The following STOX2 variants were observed in gnomAD, a reference collection of about 807,000 sequenced individuals.
STOX2 encodes storkhead box 2.
A neutral mutation model predicts 60.9 loss-of-function variants in STOX2; 28 were observed. That is an observed-to-expected ratio of 0.46 (90% CI 0.34 to 0.63). The LOEUF (loss-of-function observed/expected upper bound fraction) is 0.63. STOX2 is among the 30% of genes least tolerant of loss of function. The pLI, the probability that STOX2 is intolerant of heterozygous loss-of-function variation, is 0.01. For missense variants in STOX2, 1,024 were observed against 1,187.7 expected (o/e 0.86, Z 2.03); for synonymous variants, 472 against 463.9 (o/e 1.02, Z -0.22).
At chr4:183,989,031 G>T (rs558345465) in intron 1 of STOX2, among the ~76,000 whole-genome samples, 1 of 152,124 alleles carries the variant, frequency 6.6e-6, no homozygotes, top group African/African-American at 2.4e-5. Context: ...AGCTGCTCAC[G>T]GGGACCGAGA....
intron 1 of STOX2, among the ~76,000 whole-genome samples, chr4:183,973,873 A>C (rs779022587): frequency 4.7e-4 from 72 of 152,222 alleles, no homozygotes; most frequent in Non-Finnish European, 7.1e-4. Flanking sequence ...GCATGCCTGT[A>C]GTCCCAGCTA....
At chr4:183,871,737 A>C (rs1255386979) in intron 1 of STOX2, among the ~76,000 whole-genome samples, 1 of 152,080 alleles carries the variant, frequency 6.6e-6, no homozygotes, top group Non-Finnish European at 1.5e-5. Context: ...CTACCACCTC[A>C]GGCCCAGTTC....
intron 1 of STOX2, among the ~76,000 whole-genome samples, chr4:183,814,943 A>C (rs1392596044): frequency 6.6e-6 from 1 of 152,190 alleles, no homozygotes; most frequent in Non-Finnish European, 1.5e-5. Flanking sequence ...GTAAAAAGAA[A>C]ATTGAATAAA....
At position 183,813,768 on chromosome 4, in the gene STOX2, C is replaced by T. The variant is rs73872691; in HGVS notation, c.364+15713C>T. Among the ~76,000 whole-genome samples, 1,169 of 152,184 alleles carry T rather than the reference C, an allele frequency of 7.7e-3. 18 individuals are homozygous for T. The highest frequency in any genetic ancestry group is 0.027 in the African/African-American group (1,111 of 41,512). The stretch of plus-strand genomic sequence containing the variant: ...CACAGGTAGAGTCAATGCTAATTGG[C>T]GGCTGGTAGTAATTTCTAAACTACC... On this transcript the variant is annotated intron_variant, in intron 1 of 2. Coordinates refer to the STOX2 transcript ENST00000513034.
At chr4:183,981,130 T>C (rs1010587762) in intron 1 of STOX2, among the ~76,000 whole-genome samples, 4 of 152,234 alleles carry the variant, frequency 2.6e-5, no homozygotes, top group Admixed American at 2.6e-4. Context: ...TCCCAAGGGA[T>C]TGGGGCCATA....
chr4:183,893,452 G>C (rs1741272987), intron 1 of STOX2, among the ~76,000 whole-genome samples: 1 of 152,140 alleles, frequency 6.6e-6, no homozygotes, highest in Non-Finnish European at 1.5e-5. Context: ...TCTCTTCAGA[G>C]ACCTGTGGGA....
chr4:183,972,262 T>A (rs1260616066), intron 1 of STOX2, among the ~76,000 whole-genome samples: 2 of 152,210 alleles, frequency 1.3e-5, no homozygotes, highest in African/African-American at 4.8e-5. Context: ...TCTGTCCTTC[T>A]GCCACTTGAC....
intron 1 of STOX2, among the ~76,000 whole-genome samples, chr4:183,922,491 GC>G: frequency 6.6e-6 from 1 of 151,728 alleles, no homozygotes; most frequent in Admixed American, 6.6e-5. Flanking sequence ...GATTACAGGC[GC>G]CCCCCACCAC....
chr4:183,956,790 A>G (rs1743263305), intron 1 of STOX2, among the ~76,000 whole-genome samples: 1 of 152,056 alleles, frequency 6.6e-6, no homozygotes, highest in Admixed American at 6.6e-5. Flanking sequence ...GCATTTCTTC[A>G]GCTTCTTTTA....
At chr4:183,937,131 G>A (rs1158864696) in intron 1 of STOX2, among the ~76,000 whole-genome samples, 1 of 152,228 alleles carries the variant, frequency 6.6e-6, no homozygotes, top group African/African-American at 2.4e-5. Flanking sequence ...GCACTCTTTG[G>A]TGAGGTACAT....
rs1201380910 is a variant in STOX2 at position 184,011,982 on chromosome 4, GAAA to G, written c.2585+560_2585+562del. Among the ~76,000 whole-genome samples the G allele has an allele frequency of 3.9e-5, 6 of 152,286 alleles. No homozygotes were observed. The highest frequency in any genetic ancestry group is 1.4e-4 in the African/African-American group (6 of 41,562). ...TCACACACCTTCCTTTCACTGCCAAGAAATGGAATATTTCTTCCCTCACAGCGA... is the reference window on the plus strand; with the variant it reads ...TCACACACCTTCCTTTCACTGCCAAGTGGAATATTTCTTCCCTCACAGCGA... On this transcript the variant is annotated intron_variant, in intron 3 of 3. Transcript: ENST00000308497. This position sits in a 1 kb window ranked among gnomAD's most constrained non-coding sequence, Gnocchi z 4.4.
intron 1 of STOX2, among the ~76,000 whole-genome samples, chr4:183,807,938 C>A (rs1004481784): frequency 1.3e-5 from 2 of 152,248 alleles, no homozygotes; most frequent in Non-Finnish European, 2.9e-5. Flanking sequence ...ATCTACCCAA[C>A]AGGCCTGCGG....
Position 183,919,402 on chromosome 4 carries a change from G to T in STOX2, c.166+12446G>T, listed in dbSNP as rs548468847. On this transcript the variant is annotated intron_variant, in intron 1 of 3. Coordinates refer to ENST00000308497, the MANE Select transcript of STOX2 (RefSeq NM_020225.3). ...TGGCCGTGGGCCAGCTAGAGGTGGG[G>T]TTTATGGTTCCGCAGTCGTGGAGTC... Among the ~76,000 whole-genome samples the T allele has an allele frequency of 5.1e-3, 782 of 152,260 alleles. 7 individuals carry two copies. Among genetic ancestry groups the T allele is most frequent in the Non-Finnish European group, 8.8e-3 (596 of 68,024 alleles).
intron 1 of STOX2, among the ~76,000 whole-genome samples, chr4:183,847,963 A>ATATACCTTT (rs1740025072): frequency 6.6e-6 from 1 of 152,100 alleles, no homozygotes; most frequent in African/African-American, 2.4e-5. Flanking sequence ...AAAGAGAACT[A>ATATACCTTT]GAGAGGAGAG....
At chr4:183,914,735 G>A (rs1285194421) in intron 1 of STOX2, among the ~76,000 whole-genome samples, 3 of 152,144 alleles carry the variant, frequency 2.0e-5, no homozygotes, top group African/African-American at 7.2e-5. Flanking sequence ...GCAGAAGGAG[G>A]TTCAGTTGGA....
chr4:183,869,759 A>G (rs1387496788), intron 1 of STOX2, among the ~76,000 whole-genome samples: 1 of 152,238 alleles, frequency 6.6e-6, no homozygotes, highest in Non-Finnish European at 1.5e-5. Context: ...ATCAGTGACT[A>G]TTTAAAGCTA....
chr4:183,798,913 CTA>C, intron 1 of STOX2: 2 of 439,414 alleles, frequency 4.6e-6, no homozygotes, highest in Non-Finnish European at 5.3e-6. Context: ...AGTTTTTGTA[CTA>C]TTACATAGTA....
intron 1 of STOX2, among the ~76,000 whole-genome samples, chr4:183,849,357 T>G (rs1026464473): frequency 2.6e-5 from 4 of 152,164 alleles, no homozygotes; most frequent in Non-Finnish European, 5.9e-5. Context: ...CATGCCTCAG[T>G]ATGGGCTTGA....
chr4:183,861,586 G>T (rs1740447769), intron 1 of STOX2, among the ~76,000 whole-genome samples: 1 of 152,174 alleles, frequency 6.6e-6, no homozygotes, highest in Non-Finnish European at 1.5e-5. Flanking sequence ...TTGCAGTTTT[G>T]CATCTTAGCT....
Sources: allele counts gnomAD v4.1 joint callset (sites outside exome capture counted in the v4.1 genomes callset), GRCh38; gene constraint gnomAD v4.1.1; non-coding constraint Gnocchi (gnomAD v3.1); transcripts MANE v1.5; gene names NCBI Gene and HGNC (gene_info 2026-07-23, HGNC 2026-07-21).